Variants in ADAMTS20 observed in about 807,000 individuals in gnomAD.
ADAMTS20 encodes the protein A disintegrin and metalloproteinase with thrombospondin motifs 20.
A neutral mutation model predicts 260.1 loss-of-function variants in ADAMTS20; 225 were observed. The observed-to-expected ratio is 0.87, with a 90% CI of 0.78 to 0.97. ADAMTS20 has a LOEUF of 0.97. Ranked by LOEUF, ADAMTS20 falls within the 50% of genes least tolerant of loss-of-function variation. The pLI, the probability that ADAMTS20 is intolerant of heterozygous loss-of-function variation, is 0.00. For synonymous variants in ADAMTS20, 802 were observed against 769.5 expected, an observed-to-expected ratio of 1.04 and a Z score of -0.70; for missense variants, 2,400 against 2,337.7, an observed-to-expected ratio of 1.03 and a Z score of -0.55.
chr12:43,460,157 A>C (rs1942034365), intron 11 of ADAMTS20, among the ~76,000 whole-genome samples: 2 of 152,200 alleles, frequency 1.3e-5, no homozygotes, highest in South Asian at 2.1e-4. Flanking sequence ...AAAAAAGATA[A>C]TTTATACCTA....
intron 7 of ADAMTS20, among the ~76,000 whole-genome samples, chr12:43,469,368 CTGT>C: frequency 6.6e-6 from 1 of 152,098 alleles, no homozygotes; most frequent in East Asian, 1.9e-4. Context: ...CTCAAATGTG[CTGT>C]TGAAAGATGA....
chr12:43,398,989 G>A (rs960733590), intron 29 of ADAMTS20, 77 bp downstream of exon 29: 1 of 1,017,056 alleles, frequency 9.8e-7, no homozygotes, highest in Non-Finnish European at 1.3e-6. Context: ...AACATTCAAG[G>A]TTATGAAAAA....
intron 28 of ADAMTS20, 59 bp downstream of exon 28, chr12:43,425,455 C>G: frequency 1.5e-6 from 2 of 1,324,132 alleles, no homozygotes; most frequent in Non-Finnish European, 2.0e-6. Flanking sequence ...ATGAACTCTC[C>G]CTCACTCAGA....
intron 37 of ADAMTS20, among the ~76,000 whole-genome samples, chr12:43,363,237 G>C (rs1223289320): frequency 6.6e-6 from 1 of 152,008 alleles, no homozygotes; most frequent in Non-Finnish European, 1.5e-5. Flanking sequence ...TAAGGCTATG[G>C]TTTCTCTTTG....
At chr12:43,529,656 G>A (rs1043410667) in intron 3 of ADAMTS20, among the ~76,000 whole-genome samples, 2 of 152,082 alleles carry the variant, frequency 1.3e-5, no homozygotes, top group Admixed American at 6.6e-5. Flanking sequence ...ACTCAGAAGC[G>A]GGAGGGTAGG....
intron 29 of ADAMTS20, among the ~76,000 whole-genome samples, chr12:43,393,951 T>C (rs1346307582): frequency 6.6e-6 from 1 of 152,120 alleles, no homozygotes. Flanking sequence ...TATTCTCTTA[T>C]ATTGAACTAG....
At position 43,441,876 on chromosome 12, in the gene ADAMTS20, TG is replaced by T. The variant is rs376487054; in HGVS notation, c.2291-1808del. On this transcript the variant is annotated intron_variant, in intron 16 of 38. Transcript: ENST00000389420. Reference sequence around the variant, plus strand: ...TGAAGGGATTATTGTAAAATAAATTTGGTGTTTCTGTGTATATGTGGACTAG... The same window carrying T: ...TGAAGGGATTATTGTAAAATAAATTTGTGTTTCTGTGTATATGTGGACTAG... Among the ~76,000 whole-genome samples the T allele has an allele frequency of 2.9e-4, 44 of 152,270 alleles. No individual in the cohort carries two copies. The East Asian group carries it at 8.5e-3, about 29-fold the overall frequency.
intron 2 of ADAMTS20, among the ~76,000 whole-genome samples, chr12:43,537,335 A>G (rs1048715138): frequency 6.6e-6 from 1 of 151,992 alleles, no homozygotes; most frequent in Non-Finnish European, 1.5e-5. Flanking sequence ...GATTACAGGC[A>G]TGAGCCACCA....
chr12:43,427,195 T>G, intron 27 of ADAMTS20, 113 bp downstream of exon 27: 1 of 1,249,498 alleles, frequency 8.0e-7, no homozygotes, highest in Non-Finnish European at 1.1e-6. Context: ...AAACAAAAAT[T>G]CTTTTTCTAC....
At chr12:43,443,150 C>T (rs1941698569) in intron 16 of ADAMTS20, among the ~76,000 whole-genome samples, 2 of 152,144 alleles carry the variant, frequency 1.3e-5, no homozygotes, top group Admixed American at 1.3e-4. Context: ...AGATAACTCG[C>T]TATTAAGATA....
chr12:43,486,314 A>G (rs116724765), intron 7 of ADAMTS20, among the ~76,000 whole-genome samples: 2,008 of 152,292 alleles, frequency 0.013, 46 homozygotes, highest in African/African-American at 0.046. Flanking sequence ...GCATACAAAA[A>G]TATAAATTGG....
chr12:43,482,370 C>G (rs1307160063), intron 7 of ADAMTS20, among the ~76,000 whole-genome samples: 1 of 152,198 alleles, frequency 6.6e-6, no homozygotes, highest in Non-Finnish European at 1.5e-5. Flanking sequence ...CACTCCATCT[C>G]CATAGGGAAG....
At chr12:43,547,533 AG>A (rs1943456870) in intron 2 of ADAMTS20, among the ~76,000 whole-genome samples, 2 of 152,262 alleles carry the variant, frequency 1.3e-5, no homozygotes, top group Non-Finnish European at 2.9e-5. Context: ...ACCCTCTGAA[AG>A]GGTTCCCTAC....
intron 14 of ADAMTS20, among the ~76,000 whole-genome samples, chr12:43,451,489 GAA>G (rs34978531): frequency 1.5e-3 from 216 of 147,618 alleles, no homozygotes; most frequent in South Asian, 3.8e-3. Context: ...AAGGAGTTAA[GAA>G]AAAAAAAAAG....
chr12:43,401,870 T>A (rs1294403153), intron 28 of ADAMTS20, among the ~76,000 whole-genome samples: 1 of 151,910 alleles, frequency 6.6e-6, no homozygotes, highest in East Asian at 1.9e-4. Context: ...ATTTTGCTGC[T>A]TTTCACCATG....
intron 29 of ADAMTS20, among the ~76,000 whole-genome samples, chr12:43,398,731 C>T (rs1427825396): frequency 2.0e-5 from 3 of 152,072 alleles, no homozygotes; most frequent in Admixed American, 6.6e-5. Context: ...AATGACTAGG[C>T]TGGGCACAGT....
At chr12:43,541,899 C>T (rs1257474903) in intron 2 of ADAMTS20, among the ~76,000 whole-genome samples, 1 of 152,156 alleles carries the variant, frequency 6.6e-6, no homozygotes, top group Non-Finnish European at 1.5e-5. Context: ...AAATACGTTG[C>T]TGGTACCTTA....
rs113586765 is a variant in ADAMTS20, at chr12:43,373,938, C to G, written c.5446+1441G>C. ...TCGTGATCCGCCCGCCTCGGCCTCC[C>G]AAAGTGCTGGGATTACAGGCGTGAG... On this transcript the variant is annotated intron_variant, in intron 36 of 38. Transcript: ENST00000389420. Among the ~76,000 whole-genome samples the G allele has an allele frequency of 5.3e-3, 804 of 152,012 alleles. 5 individuals are homozygous for G. The highest frequency in any genetic ancestry group is 8.4e-3 in the Non-Finnish European group (571 of 67,960).
intron 28 of ADAMTS20, among the ~76,000 whole-genome samples, chr12:43,404,111 A>G (rs915835354): frequency 4.0e-5 from 6 of 151,778 alleles, no homozygotes; most frequent in Non-Finnish European, 2.9e-5. Flanking sequence ...TACACCTGAA[A>G]GTGTCTGTTC....
Sources: gnomAD v4.1 joint callset for allele counts (sites outside exome capture counted in the v4.1 genomes callset) on GRCh38, gnomAD v4.1.1 for gene constraint, MANE v1.5 for transcripts, NCBI Gene and HGNC (gene_info 2026-07-23, HGNC 2026-07-21) for gene names.